The following FRMD5 variants were observed in gnomAD, a reference collection of about 807,000 sequenced individuals.
FRMD5 encodes the protein FERM domain-containing protein 5.
In FRMD5, 20 loss-of-function variants were observed where a neutral mutation model predicts 69.0. The ratio of observed to expected loss-of-function variants is 0.29; its 90% confidence interval spans 0.20 to 0.42. The LOEUF (loss-of-function observed/expected upper bound fraction) is 0.42. Ranked by LOEUF, FRMD5 falls within the 10% of genes least tolerant of loss-of-function variation. The pLI is 1.00. For missense variants in FRMD5, 595 were observed against 708.6 expected (o/e 0.84, Z 1.82); for synonymous variants, 271 against 260.1 (o/e 1.04, Z -0.40).
At chr15:44,067,899 T>C (rs1893378003) in intron 1 of FRMD5, among the ~76,000 whole-genome samples, 1 of 152,052 alleles carries the variant, frequency 6.6e-6, no homozygotes, top group South Asian at 2.1e-4. Flanking sequence ...AAAAACCAAA[T>C]AATGCAATTT....
At chr15:44,000,285 C>T (rs1890153855) in intron 1 of FRMD5, among the ~76,000 whole-genome samples, 1 of 151,882 alleles carries the variant, frequency 6.6e-6, no homozygotes, top group Non-Finnish European at 1.5e-5. Context: ...CTGCACCTCA[C>T]CCTACCACAA....
chr15:44,041,923 C>G (rs1210192720), intron 1 of FRMD5, among the ~76,000 whole-genome samples: 1 of 152,146 alleles, frequency 6.6e-6, no homozygotes, highest in Middle Eastern at 3.4e-3. Flanking sequence ...CAAGAAATAA[C>G]TAAGATCAGA....
At chr15:44,162,518 A>G (rs1173536360) in intron 1 of FRMD5, among the ~76,000 whole-genome samples, 1 of 151,980 alleles carries the variant, frequency 6.6e-6, no homozygotes, top group Non-Finnish European at 1.5e-5. Context: ...TATTGGCTCT[A>G]AAGTCATGTT....
chr15:43,989,979 C>G (rs1889592439), intron 1 of FRMD5: 8 of 1,024,632 alleles, frequency 7.8e-6, no homozygotes, highest in Non-Finnish European at 1.2e-5. Flanking sequence ...TGATGGGGTA[C>G]TTCAGGGTCA....
chr15:44,022,011 A>T (rs1164824838), intron 1 of FRMD5, among the ~76,000 whole-genome samples: 1 of 152,228 alleles, frequency 6.6e-6, no homozygotes, highest in African/African-American at 2.4e-5. Context: ...TGAAAACATT[A>T]TGCTAAGTGA....
chr15:43,880,911 T>C (rs2088507875), intron 13 of FRMD5, among the ~76,000 whole-genome samples: 1 of 152,204 alleles, frequency 6.6e-6, no homozygotes, highest in African/African-American at 2.4e-5. Flanking sequence ...AGGAGGAGGC[T>C]GGAGGTAAAG....
At chr15:43,980,493 T>C (rs1054002960) in intron 1 of FRMD5, among the ~76,000 whole-genome samples, 15 of 152,260 alleles carry the variant, frequency 9.9e-5, no homozygotes, top group Non-Finnish European at 1.5e-5. Flanking sequence ...ATTTGATCTT[T>C]AGATGCTTTC....
At chr15:43,959,913 A>C (rs1051148916) in intron 1 of FRMD5, among the ~76,000 whole-genome samples, 5 of 152,128 alleles carry the variant, frequency 3.3e-5, no homozygotes, top group Admixed American at 3.3e-4. Context: ...CAGTAAAATG[A>C]TGATGATGAT....
At chr15:44,135,712 C>T (rs370649608) in intron 1 of FRMD5, among the ~76,000 whole-genome samples, 13 of 151,498 alleles carry the variant, frequency 8.6e-5, no homozygotes, top group African/African-American at 3.1e-4. Flanking sequence ...GTAGTCCCAG[C>T]TACTCAGGAG....
chr15:43,926,124 T>C (rs1412625584), intron 1 of FRMD5, among the ~76,000 whole-genome samples: 1 of 152,236 alleles, frequency 6.6e-6, no homozygotes, highest in African/African-American at 2.4e-5. Context: ...GGAAAAGGTT[T>C]GCTAAAAGAT....
chr15:43,971,617 G>A (rs1317275980), intron 1 of FRMD5, among the ~76,000 whole-genome samples: 1 of 148,984 alleles, frequency 6.7e-6, no homozygotes, highest in Non-Finnish European at 1.5e-5. Context: ...CCAGGAGGTG[G>A]AGGTTGCATC....
chr15:44,196,752 T>C (rs6493100), upstream of FRMD5, among the ~76,000 whole-genome samples: 171 of 71,972 alleles, frequency 2.4e-3, 1 homozygote, highest in East Asian at 0.027. Flanking sequence ...CTCTCTCTCT[T>C]TCTCTCTCTC....
At chr15:44,155,821 C>A (rs2077518568) in intron 1 of FRMD5, among the ~76,000 whole-genome samples, 1 of 152,008 alleles carries the variant, frequency 6.6e-6, no homozygotes, top group Non-Finnish European at 1.5e-5. Context: ...TCTTGAACTC[C>A]TGACCTCAAG....
intron 1 of FRMD5, among the ~76,000 whole-genome samples, chr15:44,171,493 G>A (rs927553495): frequency 6.6e-6 from 1 of 152,138 alleles, no homozygotes; most frequent in African/African-American, 2.4e-5. Context: ...AATATACGTT[G>A]AAGTATATAA....
At chr15:43,941,154 C>G (rs2089856026) in intron 1 of FRMD5, among the ~76,000 whole-genome samples, 1 of 152,110 alleles carries the variant, frequency 6.6e-6, no homozygotes, top group East Asian at 1.9e-4. Flanking sequence ...ATTGCTTGAG[C>G]CCAGCAGTTG....
At chr15:43,908,762 G>C (rs1232331414) in intron 5 of FRMD5, among the ~76,000 whole-genome samples, 1 of 152,146 alleles carries the variant, frequency 6.6e-6, no homozygotes, top group Non-Finnish European at 1.5e-5. Flanking sequence ...AACCCAGTCT[G>C]GGCCTCAGCT....
At chr15:43,875,917 C>G (rs1403149509) in intron 13 of FRMD5, 9 of 856,594 alleles carry the variant, frequency 1.1e-5, no homozygotes, top group African/African-American at 1.7e-5. Context: ...TCTGTAAACA[C>G]AGGCTTATCC....
intron 1 of FRMD5, among the ~76,000 whole-genome samples, chr15:44,067,866 A>C (rs1277635651): frequency 6.6e-6 from 1 of 152,252 alleles, no homozygotes; most frequent in Non-Finnish European, 1.5e-5. Flanking sequence ...GAATATACAA[A>C]GAACTCTTAA....
intron 1 of FRMD5, 36 bp downstream of exon 1, chr15:44,194,917 G>A (rs1197935499): frequency 5.4e-6 from 8 of 1,481,954 alleles, no homozygotes; most frequent in East Asian, 2.6e-5. Flanking sequence ...GGGACAAGGG[G>A]GTCCCGCGGG....
Sources: gnomAD v4.1 joint callset for allele counts (sites outside exome capture counted in the v4.1 genomes callset) on GRCh38, gnomAD v4.1.1 for gene constraint, MANE v1.5 for transcripts, NCBI Gene and HGNC (gene_info 2026-07-23, HGNC 2026-07-21) for gene names.